The following SSBP2 variants were observed in gnomAD, a reference collection of about 807,000 sequenced individuals.
SSBP2 encodes the protein single-stranded DNA-binding protein 2.
SSBP2 carries 17 observed loss-of-function variants against 61.8 expected under a neutral mutation model. The observed-to-expected ratio is 0.28, with a 90% CI of 0.19 to 0.41. SSBP2 has a LOEUF of 0.41. Among genes scored for constraint, SSBP2 ranks in the 10% least tolerant of loss-of-function variants. The probability of loss-of-function intolerance (pLI) is 1.00; values close to 1 mark genes in which losing one functional copy is unlikely to be tolerated. For synonymous variants in SSBP2, 139 were observed against 141.3 expected (o/e 0.98, Z 0.12); for missense variants, 310 against 458.7 (o/e 0.68, Z 2.96).
intron 4 of SSBP2, among the ~76,000 whole-genome samples, chr5:81,527,806 TG>T (rs1770066909): frequency 6.6e-6 from 1 of 150,844 alleles, no homozygotes; most frequent in Non-Finnish European, 1.5e-5. Flanking sequence ...AAAACCTAAA[TG>T]ATGGGTTGGT....
At chr5:81,659,193 G>T (rs1033307864) in intron 1 of SSBP2, among the ~76,000 whole-genome samples, 1 of 152,040 alleles carries the variant, frequency 6.6e-6, no homozygotes, top group African/African-American at 2.4e-5. Flanking sequence ...AAGAAATAAA[G>T]GGTATTAAAA....
At chr5:81,603,193 ATG>A (rs1470318306) in intron 4 of SSBP2, among the ~76,000 whole-genome samples, 3 of 152,182 alleles carry the variant, frequency 2.0e-5, no homozygotes, top group African/African-American at 7.2e-5. Flanking sequence ...AGACTCCATA[ATG>A]TCTGCTCATT....
chr5:81,586,626 C>CAAAAAAAA (rs35214821), intron 4 of SSBP2, among the ~76,000 whole-genome samples: 1 of 114,292 alleles, frequency 8.7e-6, no homozygotes, highest in Non-Finnish European at 1.9e-5. Flanking sequence ...CTGCAGTATG[C>CAAAAAAAA]AAAAAAAAAA....
chr5:81,478,377 A>G (rs746901859), intron 6 of SSBP2, among the ~76,000 whole-genome samples: 1 of 151,794 alleles, frequency 6.6e-6, no homozygotes, highest in African/African-American at 2.4e-5. Flanking sequence ...GTCTTACTCT[A>G]TCACCCAGGC....
intron 2 of SSBP2, among the ~76,000 whole-genome samples, chr5:81,647,880 C>A (rs1749402151): frequency 6.6e-6 from 1 of 152,074 alleles, no homozygotes. Flanking sequence ...TAGTTATTTG[C>A]TTAATCCACA....
intron 1 of SSBP2, among the ~76,000 whole-genome samples, chr5:81,673,065 T>C (rs891017202): frequency 1.3e-5 from 2 of 152,102 alleles, no homozygotes; most frequent in African/African-American, 4.8e-5. Context: ...CTCAAACTTC[T>C]GACCTCAGGT....
At chr5:81,550,075 C>CTA (rs1169101002) in intron 4 of SSBP2, among the ~76,000 whole-genome samples, 2 of 152,152 alleles carry the variant, frequency 1.3e-5, no homozygotes, top group African/African-American at 4.8e-5. Flanking sequence ...AAATAGAAGA[C>CTA]TATATCTCAC....
Position 81,523,278 on chromosome 5 carries a change from T to C in SSBP2, c.283-9561A>G, listed in dbSNP as rs146195543. 2.0e-4 allele frequency among the ~76,000 whole-genome samples: 30 copies of C among 152,018 alleles called. 2 individuals are homozygous for C. In the East Asian group the frequency reaches 5.2e-3, roughly 27 times the overall value. On this transcript the variant is annotated intron_variant, in intron 4 of 16. Coordinates refer to ENST00000320672, the MANE Select transcript of SSBP2 (RefSeq NM_012446.5). The stretch of plus-strand genomic sequence containing the variant: ...AAAAGTATTAAAATACTTTAGGAGG[T>C]GGCCTTTGATTTTTCACTGTTAATT...
chr5:81,495,493 CT>C (rs1767209582), intron 5 of SSBP2, among the ~76,000 whole-genome samples: 2 of 152,166 alleles, frequency 1.3e-5, no homozygotes. Flanking sequence ...TTTTGAAACA[CT>C]GCTTTCTCTT....
At chr5:81,605,438 A>C (rs923739219) in intron 4 of SSBP2, among the ~76,000 whole-genome samples, 7 of 152,034 alleles carry the variant, frequency 4.6e-5, no homozygotes, top group African/African-American at 1.7e-4. Flanking sequence ...AAATAAATCA[A>C]CTCTAGTTCC....
At chr5:81,574,335 A>T (rs1774051057) in intron 4 of SSBP2, among the ~76,000 whole-genome samples, 2 of 152,166 alleles carry the variant, frequency 1.3e-5, no homozygotes, top group South Asian at 4.1e-4. Context: ...CTGAAAAAAA[A>T]TAATGGGCTA....
chr5:81,747,799 G>T (rs1481153301), intron 1 of SSBP2, among the ~76,000 whole-genome samples: 1 of 152,022 alleles, frequency 6.6e-6, no homozygotes, highest in African/African-American at 2.4e-5. Context: ...AGCCAATCAC[G>T]GTTATTTAAT....
intron 4 of SSBP2, among the ~76,000 whole-genome samples, chr5:81,533,859 G>T (rs1016901963): frequency 6.6e-6 from 1 of 152,046 alleles, no homozygotes; most frequent in South Asian, 2.1e-4. Flanking sequence ...GTCACAGGGG[G>T]ATCTCTAAAT....
intron 4 of SSBP2, among the ~76,000 whole-genome samples, chr5:81,586,540 T>G (rs2153494669): frequency 6.6e-6 from 1 of 150,880 alleles, no homozygotes; most frequent in Non-Finnish European, 1.5e-5. Context: ...TAACAGAACA[T>G]GAGGAAACAT....
chr5:81,569,453 A>T (rs66969660), intron 4 of SSBP2, among the ~76,000 whole-genome samples: 56,259 of 152,040 alleles, frequency 0.37, 14,013 homozygotes, highest in African/African-American at 0.72. Flanking sequence ...ATATGTATGT[A>T]TTCCTATCAG....
intron 1 of SSBP2, among the ~76,000 whole-genome samples, chr5:81,676,797 G>GA (rs945994362): frequency 6.6e-6 from 1 of 151,668 alleles, no homozygotes; most frequent in African/African-American, 2.4e-5. Flanking sequence ...TTTAATACTA[G>GA]AAAAAAATAC....
At chr5:81,657,184 T>G (rs1267050940) in intron 1 of SSBP2, among the ~76,000 whole-genome samples, 1 of 152,186 alleles carries the variant, frequency 6.6e-6, no homozygotes, top group Non-Finnish European at 1.5e-5. Context: ...AATAAAAAAT[T>G]AAATACTAAA....
At chr5:81,565,990 A>G (rs1012622179) in intron 4 of SSBP2, among the ~76,000 whole-genome samples, 4 of 152,222 alleles carry the variant, frequency 2.6e-5, no homozygotes, top group Non-Finnish European at 5.9e-5. Context: ...ATCACTTAGT[A>G]GAAAGAACTC....
chr5:81,454,701 TAAATAA>T (rs1229693648), intron 10 of SSBP2, among the ~76,000 whole-genome samples: 1 of 148,992 alleles, frequency 6.7e-6, no homozygotes, highest in East Asian at 2.0e-4. Context: ...AATAGAACAA[TAAATAA>T]AAATAAAAAA....
Sources: gnomAD v4.1 joint callset for allele counts (sites outside exome capture counted in the v4.1 genomes callset) on GRCh38, gnomAD v4.1.1 for gene constraint, MANE v1.5 for transcripts, NCBI Gene and HGNC (gene_info 2026-07-23, HGNC 2026-07-21) for gene names.